The following DLC1 variants were observed in gnomAD, a reference collection of about 807,000 sequenced individuals.
DLC1 encodes the protein DLC1 Rho GTPase activating protein.
A neutral mutation model predicts 140.3 loss-of-function variants in DLC1; 54 were observed. The observed-to-expected ratio is 0.38, with a 90% CI of 0.31 to 0.48. The LOEUF (loss-of-function observed/expected upper bound fraction) is 0.48, where lower values mean the gene tolerates loss of function less well. DLC1 is among the 20% of genes least tolerant of loss of function. The pLI is 0.96. For missense variants in DLC1, 2,536 were observed against 1,907.0 expected, an observed-to-expected ratio of 1.33 and a Z score of -6.14; for synonymous variants, 986 against 728.1, an observed-to-expected ratio of 1.35 and a Z score of -5.70.
At chr8:13,339,630 G>A (rs1417905783) in intron 4 of DLC1, 1 of 152,164 alleles carries the variant, frequency 6.6e-6, no homozygotes, top group Non-Finnish European at 1.5e-5. Context: ...TTCATCTTCA[G>A]AAAATTTGCT....
At chr8:13,283,156 T>A (rs984248580) in intron 5 of DLC1, among the ~76,000 whole-genome samples, 1 of 152,212 alleles carries the variant, frequency 6.6e-6, no homozygotes, top group African/African-American at 2.4e-5. Flanking sequence ...ACTTGTTGAT[T>A]ATACTTTTTT....
At chr8:13,481,646 A>G (rs1377121566) in intron 2 of DLC1, among the ~76,000 whole-genome samples, 1 of 152,204 alleles carries the variant, frequency 6.6e-6, no homozygotes, top group African/African-American at 2.4e-5. Flanking sequence ...TTGTACTGTT[A>G]TATGAAACTG....
At chr8:13,302,113 G>A (rs1320159298) in intron 5 of DLC1, among the ~76,000 whole-genome samples, 1 of 152,168 alleles carries the variant, frequency 6.6e-6, no homozygotes, top group Non-Finnish European at 1.5e-5. Context: ...ATCCTAAGAA[G>A]GCACATTCTC....
chr8:13,171,291 C>G (rs146787808), intron 5 of DLC1, among the ~76,000 whole-genome samples: 35 of 152,126 alleles, frequency 2.3e-4, no homozygotes, highest in Non-Finnish European at 4.6e-4. Flanking sequence ...CCTGTTTGTT[C>G]TTATTCTCAA....
At chr8:13,330,730 C>T (rs146345351) in intron 4 of DLC1, among the ~76,000 whole-genome samples, 4 of 152,308 alleles carry the variant, frequency 2.6e-5, no homozygotes, top group African/African-American at 9.6e-5. Context: ...AGGATTACTA[C>T]ATCTGTCTTT....
intron 1 of DLC1, among the ~76,000 whole-genome samples, chr8:13,538,214 A>G (rs1803359352): frequency 6.6e-6 from 1 of 152,120 alleles, no homozygotes; most frequent in African/African-American, 2.4e-5. Flanking sequence ...CTGAGCTTTC[A>G]TGCTGTTTTT....
intron 5 of DLC1, among the ~76,000 whole-genome samples, chr8:13,283,419 G>A (rs972664623): frequency 5.3e-5 from 8 of 152,114 alleles, no homozygotes; most frequent in African/African-American, 1.7e-4. Context: ...ATAGATAAGC[G>A]TGACCATTGT....
chr8:13,449,529 G>A (rs977802277), intron 2 of DLC1, among the ~76,000 whole-genome samples: 3 of 152,120 alleles, frequency 2.0e-5, no homozygotes, highest in African/African-American at 7.2e-5. Flanking sequence ...CAGGTGGAAA[G>A]AATCCTATTT....
At chr8:13,443,537 T>C (rs1459362667) in intron 2 of DLC1, among the ~76,000 whole-genome samples, 1 of 150,828 alleles carries the variant, frequency 6.6e-6, no homozygotes, top group Admixed American at 6.6e-5. Flanking sequence ...CGGATGCCTG[T>C]AGTCCCAGCT....
intron 4 of DLC1, among the ~76,000 whole-genome samples, chr8:13,390,863 C>T (rs1018597327): frequency 7.2e-5 from 11 of 152,030 alleles, no homozygotes; most frequent in African/African-American, 2.7e-4. Context: ...TGGAGGGCAC[C>T]TGTAGTCCCA....
At chr8:13,231,028 C>G (rs1052538086) in intron 5 of DLC1, among the ~76,000 whole-genome samples, 3 of 152,224 alleles carry the variant, frequency 2.0e-5, no homozygotes, top group Admixed American at 6.5e-5. Flanking sequence ...TGTCACACAC[C>G]TGTATGGCTA....
chr8:13,181,981 C>T (rs565250566), intron 5 of DLC1, among the ~76,000 whole-genome samples: 4 of 152,284 alleles, frequency 2.6e-5, no homozygotes, highest in East Asian at 1.9e-4. Context: ...TATTTCTCCA[C>T]GTCTTCTCCA....
intron 2 of DLC1, among the ~76,000 whole-genome samples, chr8:13,486,636 G>T (rs1261615362): frequency 6.6e-6 from 1 of 152,058 alleles, no homozygotes; most frequent in Non-Finnish European, 1.5e-5. Context: ...TGAAATGCAA[G>T]GGTATTTAGT....
At chr8:13,585,939 G>A (rs551861430) in intron 1 of DLC1, among the ~76,000 whole-genome samples, 1 of 152,266 alleles carries the variant, frequency 6.6e-6, no homozygotes, top group East Asian at 1.9e-4. Flanking sequence ...GTAATAGAGA[G>A]GGAGGATAAA....
chr8:13,201,836 G>A (rs1024461185), intron 5 of DLC1, among the ~76,000 whole-genome samples: 6 of 149,968 alleles, frequency 4.0e-5, no homozygotes, highest in African/African-American at 9.8e-5. Context: ...TATACATGCC[G>A]GTTTGTTATA....
chr8:13,139,149 T>G (rs1043559171), intron 5 of DLC1, among the ~76,000 whole-genome samples: 6 of 151,092 alleles, frequency 4.0e-5, no homozygotes, highest in Non-Finnish European at 8.9e-5. Flanking sequence ...AACAATTAGC[T>G]GGGCATGCTG....
At chr8:13,369,629 C>T (rs1464051925) in intron 4 of DLC1, among the ~76,000 whole-genome samples, 1 of 152,146 alleles carries the variant, frequency 6.6e-6, no homozygotes, top group Admixed American at 6.5e-5. Flanking sequence ...TCATCAGAAC[C>T]CCTGTTTTTT....
Position 13,504,121 on chromosome 8 carries a change from A to ATT in DLC1, c.-125-3927_-125-3926dup, listed in dbSNP as rs370240794. On this transcript the variant is annotated intron_variant, in intron 1 of 17. Transcript: ENST00000276297. The stretch of plus-strand genomic sequence containing the variant: ...ACATTTATCAGAAACATTTCAGAGA[A>ATT]TTTTTTTTTTTTTTTTTTTTTTAAG... Among the ~76,000 whole-genome samples the ATT allele has an allele frequency of 8.4e-3, 1,057 of 126,398 alleles. 17 individuals carry two copies. Among genetic ancestry groups the ATT allele is most frequent in the South Asian group, 0.066 (250 of 3,770 alleles). 82.9% of individuals were successfully genotyped at this position (126,398 alleles called of 152,430 possible). A position where few individuals can be genotyped will look rare whatever the true frequency, so the allele number is the denominator to read the frequency against.
At chr8:13,150,177 A>G (rs1291867074) in intron 5 of DLC1, among the ~76,000 whole-genome samples, 4 of 152,212 alleles carry the variant, frequency 2.6e-5, no homozygotes, top group Admixed American at 6.5e-5. Flanking sequence ...AGACAGCACT[A>G]TGGGTTGCGT....
Sources: allele counts gnomAD v4.1 joint callset (sites outside exome capture counted in the v4.1 genomes callset), GRCh38; gene constraint gnomAD v4.1.1; transcripts MANE v1.5; gene names NCBI Gene and HGNC (gene_info 2026-07-23, HGNC 2026-07-21).